The following ESRRG variants were observed in gnomAD, a reference collection of about 807,000 sequenced individuals.
ESRRG encodes the protein estrogen-related receptor gamma.
A neutral mutation model predicts 44.0 loss-of-function variants in ESRRG; 13 were observed. That is an observed-to-expected ratio of 0.30 (90% CI 0.19 to 0.47). The LOEUF is 0.47. ESRRG is among the 20% of genes least tolerant of loss of function. The pLI is 1.00. For synonymous variants in ESRRG, 215 were observed against 214.6 expected (o/e 1.00, Z -0.02); for missense variants, 395 against 580.6 (o/e 0.68, Z 3.29).
intron 2 of ESRRG, among the ~76,000 whole-genome samples, chr1:216,925,904 C>T (rs147509868): frequency 0.011 from 1,635 of 152,030 alleles, 39 homozygotes; most frequent in African/African-American, 0.038. Context: ...GAGCCAACAT[C>T]GCACCATGGC....
At chr1:216,524,957 G>C (rs984568208) in intron 5 of ESRRG, among the ~76,000 whole-genome samples, 9 of 152,132 alleles carry the variant, frequency 5.9e-5, no homozygotes, top group Non-Finnish European at 1.0e-4. Flanking sequence ...AGGTGCAATT[G>C]ACCACTGACT....
rs75037500 is a variant in ESRRG at position 216,669,560 on chromosome 1, G to A, written c.472+7516C>T. Among the ~76,000 whole-genome samples, 294 of 152,294 alleles carry A rather than the reference G, an allele frequency of 1.9e-3. 4 individuals carry two copies. The highest frequency in any genetic ancestry group is 3.4e-3 in the Middle Eastern group (1 of 294). Reference sequence around the variant, plus strand: ...ACAACTGGCATCAAATGCAAGAAGTGGAAAAGTCAAACTTACAACAAAAGC... The same window carrying A: ...ACAACTGGCATCAAATGCAAGAAGTAGAAAAGTCAAACTTACAACAAAAGC... On this transcript the variant is annotated intron_variant, in intron 2 of 6. Coordinates refer to ENST00000408911, the MANE Select transcript of ESRRG (RefSeq NM_001438.4).
At chr1:217,100,751 T>A (rs932688420) in intron 1 of ESRRG, among the ~76,000 whole-genome samples, 3 of 151,972 alleles carry the variant, frequency 2.0e-5, no homozygotes. Context: ...AAGTAAGAGG[T>A]GCCACTCTCT....
intron 1 of ESRRG, among the ~76,000 whole-genome samples, chr1:216,688,623 T>C (rs544366489): frequency 1.1e-4 from 16 of 152,312 alleles, no homozygotes; most frequent in African/African-American, 3.4e-4. Flanking sequence ...GCAGGCTCTC[T>C]TCCATTAAAA....
rs1005680646 is a variant in ESRRG, at chr1:216,504,430, A to T, written c.*2509T>A. On this transcript the variant is annotated 3_prime_UTR_variant, in exon 7 of 7. Coordinates refer to ENST00000408911, the MANE Select transcript of ESRRG (RefSeq NM_001438.4). ...TTATTGACCATCTGAATGAATTGCTAATGATGATTTATCTAGAATCACACT... is the reference window on the plus strand; with the variant it reads ...TTATTGACCATCTGAATGAATTGCTTATGATGATTTATCTAGAATCACACT... 5 of 152,578 alleles carry T rather than the reference A, an allele frequency of 3.3e-5. No homozygotes were observed. The highest frequency in any genetic ancestry group is 1.2e-4 in the African/African-American group (5 of 41,456). 9.5% of individuals were successfully genotyped at this position (152,578 alleles called of 1,614,324 possible). A position where few individuals can be genotyped will look rare whatever the true frequency, so the allele number is the denominator to read the frequency against.
intron 5 of ESRRG, among the ~76,000 whole-genome samples, chr1:216,558,723 C>G (rs749221645): frequency 3.3e-5 from 5 of 152,028 alleles, no homozygotes; most frequent in Non-Finnish European, 5.9e-5. Context: ...TACTCAATGA[C>G]AGCTCAAGTT....
chr1:216,589,439 C>T (rs1215129548), intron 3 of ESRRG, among the ~76,000 whole-genome samples: 2 of 152,104 alleles, frequency 1.3e-5, no homozygotes, highest in Admixed American at 6.5e-5. Context: ...CAAGACAATT[C>T]TTCTTCTGAT....
In ESRRG at chr1:216,877,385, TTTTGTTTG is replaced by T. The variant is rs139463714; in HGVS notation, c.-14+62189_-14+62196del. The stretch of plus-strand genomic sequence containing the variant: ...GCTTTTTTATAGGTATGGTGTTTTT[TTTTGTTTG>T]TTTGTTTGTTTGTTTGTTTGTTTGT... On this transcript the variant is annotated intron_variant, in intron 2 of 7. Coordinates refer to the ESRRG transcript ENST00000359162. 3.4e-4 allele frequency among the ~76,000 whole-genome samples: 18 copies of T among 52,358 alleles called. No homozygotes were observed. The East Asian group carries it at 4.2e-3, about 12-fold the overall frequency. 34.3% of individuals were successfully genotyped at this position (52,358 alleles called of 152,430 possible). A position where few individuals can be genotyped will look rare whatever the true frequency, so the allele number is the denominator to read the frequency against.
intron 3 of ESRRG, among the ~76,000 whole-genome samples, chr1:216,636,568 T>C (rs1192003512): frequency 6.6e-6 from 1 of 152,216 alleles, no homozygotes; most frequent in African/African-American, 2.4e-5. Flanking sequence ...CTCCCAGGAC[T>C]GTTTAAGAGT....
At chr1:216,699,040 T>C (rs1291413028) in intron 1 of ESRRG, among the ~76,000 whole-genome samples, 1 of 152,234 alleles carries the variant, frequency 6.6e-6, no homozygotes, top group Admixed American at 6.5e-5. Context: ...GGCTGCGTGC[T>C]GAGGCCATCG....
At chr1:216,782,228 T>G (rs755144978) in intron 2 of ESRRG, among the ~76,000 whole-genome samples, 1 of 152,078 alleles carries the variant, frequency 6.6e-6, no homozygotes, top group Non-Finnish European at 1.5e-5. Context: ...ATATCTGCCC[T>G]TTAAATCCCT....
At chr1:216,873,736 G>T (rs2096294307) in intron 2 of ESRRG, among the ~76,000 whole-genome samples, 1 of 150,762 alleles carries the variant, frequency 6.6e-6, no homozygotes, top group Non-Finnish European at 1.5e-5. Flanking sequence ...CACCCTCTTG[G>T]GACCACAGCT....
chr1:216,714,307 C>G (rs1447041843), intron 1 of ESRRG, among the ~76,000 whole-genome samples: 1 of 152,102 alleles, frequency 6.6e-6, no homozygotes, highest in African/African-American at 2.4e-5. Flanking sequence ...TACCTTTTAC[C>G]AAAGTAAATG....
At chr1:217,047,641 T>C (rs181869019) in intron 1 of ESRRG, among the ~76,000 whole-genome samples, 217 of 152,272 alleles carry the variant, frequency 1.4e-3, no homozygotes, top group African/African-American at 4.8e-3. Context: ...CACCTATCCA[T>C]TTTCACAGCT....
intron 1 of ESRRG, among the ~76,000 whole-genome samples, chr1:216,703,294 T>C (rs1310388745): frequency 6.6e-6 from 1 of 152,150 alleles, no homozygotes; most frequent in Non-Finnish European, 1.5e-5. Flanking sequence ...CTATGATAAC[T>C]GATGATCTTT....
At chr1:216,906,062 G>A (rs1462505091) in intron 2 of ESRRG, among the ~76,000 whole-genome samples, 1 of 152,162 alleles carries the variant, frequency 6.6e-6, no homozygotes, top group African/African-American at 2.4e-5. Flanking sequence ...TGTTAAAGAA[G>A]TTTCTGAAAG....
intron 1 of ESRRG, among the ~76,000 whole-genome samples, chr1:216,948,124 A>T (rs996611705): frequency 3.9e-5 from 6 of 152,168 alleles, no homozygotes. Context: ...TGAACATCAA[A>T]TATTTGGGAG....
intron 2 of ESRRG, among the ~76,000 whole-genome samples, chr1:216,737,952 A>C (rs2090174585): frequency 6.6e-6 from 1 of 151,706 alleles, no homozygotes; most frequent in African/African-American, 2.4e-5. Flanking sequence ...CACTAAATGC[A>C]AGTGACTTCC....
chr1:216,565,730 T>C (rs1186241501), intron 4 of ESRRG, among the ~76,000 whole-genome samples: 1 of 152,122 alleles, frequency 6.6e-6, no homozygotes, highest in Non-Finnish European at 1.5e-5. Flanking sequence ...GGAGGAAATA[T>C]TCCCAAATAC....
Sources: allele counts gnomAD v4.1 joint callset (sites outside exome capture counted in the v4.1 genomes callset), GRCh38; gene constraint gnomAD v4.1.1; transcripts MANE v1.5; gene names NCBI Gene and HGNC (gene_info 2026-07-23, HGNC 2026-07-21).